The following SLC24A4 variants were observed in gnomAD, a reference collection of about 807,000 sequenced individuals.
SLC24A4 encodes sodium/potassium/calcium exchanger 4.
In SLC24A4, 53 loss-of-function variants were observed where a neutral mutation model predicts 79.0. That is an observed-to-expected ratio of 0.67 (90% CI 0.54 to 0.84). The LOEUF (loss-of-function observed/expected upper bound fraction) is 0.84, where lower values mean the gene tolerates loss of function less well. Among genes scored for constraint, SLC24A4 ranks in the 40% least tolerant of loss-of-function variants. The pLI is 0.00. For missense variants in SLC24A4, 731 were observed against 822.0 expected, an observed-to-expected ratio of 0.89 and a Z score of 1.35; for synonymous variants, 323 against 323.8, an observed-to-expected ratio of 1.00 and a Z score of 0.03.
chr14:92,459,788 G>A (rs1566784720), intron 12 of SLC24A4, among the ~76,000 whole-genome samples: 14 of 152,100 alleles, frequency 9.2e-5, no homozygotes. Context: ...TGAGGCCCGG[G>A]GTAGGCAGAG....
rs941702438 is a variant in SLC24A4 at position 92,500,418 on chromosome 14, C to T, written c.*6790C>T. On this transcript the variant is annotated 3_prime_UTR_variant, in exon 17 of 17. Coordinates refer to ENST00000532405, the MANE Select transcript of SLC24A4 (RefSeq NM_153646.4). ...ATTTCCCAAGTCCATTCAGGACAGA[C>T]GCGCAGTCCTCTTTCAATGGAAGAA... 1 of 152,230 alleles carries T rather than the reference C, an allele frequency of 6.6e-6. No individual in the cohort carries two copies. Among genetic ancestry groups the T allele is most frequent in the African/African-American group, 2.4e-5 (1 of 41,458 alleles). The allele number at this position is 152,230 out of a possible 1,614,324, so 9.4% of individuals were successfully genotyped here. A position where few individuals can be genotyped will look rare whatever the true frequency, so the allele number is the denominator to read the frequency against.
chr14:92,335,334 GT>G (rs869086977), intron 2 of SLC24A4, among the ~76,000 whole-genome samples: 1 of 145,448 alleles, frequency 6.9e-6, no homozygotes, highest in Non-Finnish European at 1.5e-5. Context: ...CACATGCCAT[GT>G]TTTTTTGTTT....
At chr14:92,374,960 T>C (rs1257640929) in intron 2 of SLC24A4, among the ~76,000 whole-genome samples, 1 of 152,218 alleles carries the variant, frequency 6.6e-6, no homozygotes, top group Non-Finnish European at 1.5e-5. Flanking sequence ...ATTTTTTCAT[T>C]GCCTGGCGGC....
chr14:92,409,913 G>A (rs144166681), intron 2 of SLC24A4, among the ~76,000 whole-genome samples: 1 of 152,276 alleles, frequency 6.6e-6, no homozygotes, highest in Non-Finnish European at 1.5e-5. Flanking sequence ...TGGAGCTGGA[G>A]GCCATTATCC....
chr14:92,449,271 C>A (rs1892995849), intron 10 of SLC24A4, 55 bp downstream of exon 10: 8 of 1,530,796 alleles, frequency 5.2e-6, no homozygotes, highest in East Asian at 2.3e-5. Context: ...CCACTCTCTC[C>A]TCTTTTGTGT....
At chr14:92,372,519 C>T (rs1888225457) in intron 2 of SLC24A4, among the ~76,000 whole-genome samples, 1 of 152,150 alleles carries the variant, frequency 6.6e-6, no homozygotes, top group Non-Finnish European at 1.5e-5. Flanking sequence ...GTAGGGACTT[C>T]TCCCATCAAT....
intron 2 of SLC24A4, among the ~76,000 whole-genome samples, chr14:92,333,368 T>C (rs1488749131): frequency 6.6e-6 from 1 of 152,226 alleles, no homozygotes; most frequent in Admixed American, 6.5e-5. Context: ...GTGCTGGGAT[T>C]ACAGGCATGA....
intron 2 of SLC24A4, among the ~76,000 whole-genome samples, chr14:92,428,494 A>T (rs939744739): frequency 6.6e-6 from 1 of 152,208 alleles, no homozygotes; most frequent in Non-Finnish European, 1.5e-5. Context: ...CTGTCACAAC[A>T]TATGAGGAAG....
At chr14:92,400,656 C>T (rs1424051485) in intron 2 of SLC24A4, among the ~76,000 whole-genome samples, 1 of 152,126 alleles carries the variant, frequency 6.6e-6, no homozygotes, top group African/African-American at 2.4e-5. Context: ...GTAATTATAA[C>T]TGAGAATGTA....
chr14:92,400,058 G>A (rs1358501340), intron 2 of SLC24A4, among the ~76,000 whole-genome samples: 1 of 152,064 alleles, frequency 6.6e-6, no homozygotes, highest in Non-Finnish European at 1.5e-5. Context: ...CCTAGCCAGG[G>A]CACAGTTTTA....
At chr14:92,351,334 G>A (rs1372063700) in intron 2 of SLC24A4, among the ~76,000 whole-genome samples, 3 of 152,046 alleles carry the variant, frequency 2.0e-5, no homozygotes, top group Admixed American at 6.6e-5. Context: ...GACAGGCTGG[G>A]CTTCAGAATG....
intron 2 of SLC24A4, among the ~76,000 whole-genome samples, chr14:92,411,877 C>T (rs1243417680): frequency 6.6e-6 from 1 of 152,172 alleles, no homozygotes; most frequent in African/African-American, 2.4e-5. Flanking sequence ...GACCTCTGCC[C>T]TCTGGGGCAT....
At chr14:92,336,489 C>T (rs1185947453) in intron 2 of SLC24A4, among the ~76,000 whole-genome samples, 2 of 152,204 alleles carry the variant, frequency 1.3e-5, no homozygotes, top group African/African-American at 2.4e-5. Flanking sequence ...CGCATGGCCG[C>T]CTGGTTTCTG....
chr14:92,475,604 GA>G (rs1894718993), intron 12 of SLC24A4, among the ~76,000 whole-genome samples: 1 of 152,210 alleles, frequency 6.6e-6, no homozygotes, highest in African/African-American at 2.4e-5. Context: ...AGGCTGAAGA[GA>G]GGCCAGATAG....
At chr14:92,334,670 A>ATGGTGAAGTTGGACATGGTAGAAG (rs1208458985) in intron 2 of SLC24A4, among the ~76,000 whole-genome samples, 1 of 152,150 alleles carries the variant, frequency 6.6e-6, no homozygotes, top group Non-Finnish European at 1.5e-5. Context: ...TGGTGAAGGC[A>ATGGTGAAGTTGGACATGGTAGAAG]GACGTGAGGG....
At chr14:92,466,714 C>T (rs1234726147) in intron 12 of SLC24A4, among the ~76,000 whole-genome samples, 1 of 152,150 alleles carries the variant, frequency 6.6e-6, no homozygotes, top group Non-Finnish European at 1.5e-5. Context: ...CACCTGCCCA[C>T]TGGTAAGTAG....
At chr14:92,409,524 A>G (rs1566746157) in intron 2 of SLC24A4, among the ~76,000 whole-genome samples, 2 of 152,226 alleles carry the variant, frequency 1.3e-5, no homozygotes, top group South Asian at 2.1e-4. Flanking sequence ...TAACATACCT[A>G]TGGGAAAGAA....
At chr14:92,432,362 T>A (rs1011692319) in intron 2 of SLC24A4, among the ~76,000 whole-genome samples, 1 of 152,232 alleles carries the variant, frequency 6.6e-6, no homozygotes. Context: ...TTTTCAAAAA[T>A]TTTTAAAGAT....
chr14:92,401,721 C>G (rs1036634849), intron 2 of SLC24A4, among the ~76,000 whole-genome samples: 1 of 152,152 alleles, frequency 6.6e-6, no homozygotes, highest in Non-Finnish European at 1.5e-5. Context: ...ACCTCTCTGT[C>G]CCCTACATGA....
Sources: gnomAD v4.1 joint callset for allele counts (sites outside exome capture counted in the v4.1 genomes callset) on GRCh38, gnomAD v4.1.1 for gene constraint, MANE v1.5 for transcripts, NCBI Gene and HGNC (gene_info 2026-07-23, HGNC 2026-07-21) for gene names.